Variants in MPP7 observed in about 807,000 individuals in gnomAD.
MPP7 encodes the protein MAGUK p55 scaffold protein 7.
In MPP7, 60 loss-of-function variants were observed where a neutral mutation model predicts 76.5. That is an observed-to-expected ratio of 0.78 (90% confidence interval 0.64 to 0.97). The LOEUF is 0.97. MPP7 is among the 50% of genes least tolerant of loss of function. The pLI, the probability that MPP7 is intolerant of heterozygous loss-of-function variation, is 0.00. For synonymous variants in MPP7, 237 were observed against 244.5 expected (o/e 0.97, Z 0.29); for missense variants, 641 against 694.0 (o/e 0.92, Z 0.86).
chr10:28,211,931 G>A (rs1838151181), intron 2 of MPP7, among the ~76,000 whole-genome samples: 1 of 152,010 alleles, frequency 6.6e-6, no homozygotes, highest in African/African-American at 2.4e-5. Context: ...GTGTAAAGGG[G>A]TGATTAGATC....
intron 4 of MPP7, among the ~76,000 whole-genome samples, chr10:28,149,031 AC>A (rs1423887927): frequency 6.6e-6 from 1 of 152,218 alleles, no homozygotes; most frequent in African/African-American, 2.4e-5. Flanking sequence ...GTAGATAAAA[AC>A]AAAAAGAAAA....
intron 2 of MPP7, among the ~76,000 whole-genome samples, chr10:28,229,923 AATG>A (rs1169046926): frequency 6.6e-6 from 1 of 151,124 alleles, no homozygotes; most frequent in Non-Finnish European, 1.5e-5. Flanking sequence ...GAACTGTGAC[AATG>A]ATATCTTCAA....
At chr10:28,296,629 A>C (rs1430370996) in intron 1 of MPP7, among the ~76,000 whole-genome samples, 1 of 152,250 alleles carries the variant, frequency 6.6e-6, no homozygotes, top group South Asian at 2.1e-4. Context: ...CCCAATCAGT[A>C]ATAAACAAGC....
chr10:28,104,211 T>C (rs1853967457), intron 11 of MPP7, among the ~76,000 whole-genome samples: 1 of 151,884 alleles, frequency 6.6e-6, no homozygotes, highest in African/African-American at 2.4e-5. Context: ...GAAGAAAATG[T>C]GGGCAACAGA....
chr10:28,203,994 T>C (rs1243649212), intron 2 of MPP7, among the ~76,000 whole-genome samples: 1 of 152,194 alleles, frequency 6.6e-6, no homozygotes, highest in Non-Finnish European at 1.5e-5. Context: ...ATTATTACTG[T>C]TATTAATCAT....
At chr10:28,149,447 T>C (rs1485823723) in intron 4 of MPP7, among the ~76,000 whole-genome samples, 1 of 152,250 alleles carries the variant, frequency 6.6e-6, no homozygotes, top group African/African-American at 2.4e-5. Flanking sequence ...CAATGCCAAC[T>C]GCTTCTAAAA....
intron 2 of MPP7, among the ~76,000 whole-genome samples, chr10:28,322,376 AAAAAT>A (rs1429368945): frequency 6.6e-6 from 1 of 152,162 alleles, no homozygotes; most frequent in South Asian, 2.1e-4. Flanking sequence ...GCTTTTCTAA[AAAAAT>A]AAAATAAAAT....
chr10:28,118,519 G>A lies in MPP7; in HGVS notation c.952+1132C>T, dbSNP rs567744427. On this transcript the variant is annotated intron_variant, in intron 11 of 16. Coordinates refer to ENST00000683449, the MANE Select transcript of MPP7 (RefSeq NM_001318170.2). ...TAAAAATCCCTTTGAGAGCCAGTCA[G>A]GCAAGGAGCCTCAAAGCTCCTTTCT... The A allele has an allele frequency of 5.1e-6, 5 of 985,316 alleles. No homozygotes were observed. The East Asian group carries it at 5.7e-4, about 112-fold the overall frequency. The allele number at this position is 985,316 out of a possible 1,614,324, so 61.0% of individuals were successfully genotyped here. A position where few individuals can be genotyped will look rare whatever the true frequency, so the allele number is the denominator to read the frequency against.
At chr10:28,281,166 G>A (rs1840660551) in intron 1 of MPP7, among the ~76,000 whole-genome samples, 1 of 151,790 alleles carries the variant, frequency 6.6e-6, no homozygotes, top group African/African-American at 2.4e-5. Context: ...TGCAACCTCT[G>A]CCTCCCAGGT....
At chr10:28,129,930 A>G (rs1835139750) in intron 6 of MPP7, among the ~76,000 whole-genome samples, 1 of 152,150 alleles carries the variant, frequency 6.6e-6, no homozygotes, top group Admixed American at 6.5e-5. Context: ...AGAATTTAGG[A>G]TCGAAATCTA....
At chr10:28,289,144 A>G (rs1393854206) in intron 1 of MPP7, 2 of 152,174 alleles carry the variant, frequency 1.3e-5, no homozygotes. Flanking sequence ...TACTGAAAAT[A>G]CAAAAAATTA....
At chr10:28,190,837 A>T (rs186917120) in intron 3 of MPP7, among the ~76,000 whole-genome samples, 1 of 152,170 alleles carries the variant, frequency 6.6e-6, no homozygotes, top group Admixed American at 6.5e-5. Context: ...ACAGAGAAAA[A>T]TCAACAAAAT....
intron 3 of MPP7, among the ~76,000 whole-genome samples, chr10:28,195,790 G>A (rs1837561929): frequency 6.6e-6 from 1 of 152,072 alleles, no homozygotes; most frequent in Non-Finnish European, 1.5e-5. Flanking sequence ...TTTTTGAGGT[G>A]ATAAAAAGGT....
At chr10:28,107,550 T>G (rs1018686837) in intron 11 of MPP7, among the ~76,000 whole-genome samples, 3 of 152,116 alleles carry the variant, frequency 2.0e-5, no homozygotes, top group Non-Finnish European at 4.4e-5. Context: ...GGCTTGGCCA[T>G]GAGACTTGTT....
chr10:28,121,411 GA>G (rs1157262559), intron 8 of MPP7, among the ~76,000 whole-genome samples: 11 of 145,918 alleles, frequency 7.5e-5, no homozygotes, highest in South Asian at 4.3e-4. Context: ...ATGCCCATCA[GA>G]AAAAAAAAAT....
At chr10:28,315,355 A>G (rs1177629536) in intron 2 of MPP7, among the ~76,000 whole-genome samples, 1 of 144,552 alleles carries the variant, frequency 6.9e-6, no homozygotes, top group Non-Finnish European at 1.5e-5. Context: ...GGAAGGAGGG[A>G]GGAAGGAGGG....
chr10:28,291,201 G>A (rs1044157560), intron 1 of MPP7, among the ~76,000 whole-genome samples: 1 of 152,180 alleles, frequency 6.6e-6, no homozygotes, highest in Non-Finnish European at 1.5e-5. Context: ...AAGAAAAATG[G>A]ACTCCCAGGT....
intron 1 of MPP7, among the ~76,000 whole-genome samples, chr10:28,286,088 T>C (rs1201332719): frequency 6.6e-6 from 1 of 152,188 alleles, no homozygotes; most frequent in East Asian, 1.9e-4. Context: ...CTCATGCCTG[T>C]AATCCCAGTA....
chr10:28,297,641 G>C (rs1468861708), intron 1 of MPP7, among the ~76,000 whole-genome samples: 1 of 152,156 alleles, frequency 6.6e-6, no homozygotes, highest in Non-Finnish European at 1.5e-5. Context: ...GGAGGTTGCA[G>C]TGAGCCAAGA....
Sources: gnomAD v4.1 joint callset for allele counts (sites outside exome capture counted in the v4.1 genomes callset) on GRCh38, gnomAD v4.1.1 for gene constraint, MANE v1.5 for transcripts, NCBI Gene and HGNC (gene_info 2026-07-23, HGNC 2026-07-21) for gene names.